Variants in CUBN observed in about 807,000 individuals in gnomAD.
CUBN encodes cubilin.
CUBN carries 282 observed loss-of-function variants against 405.3 expected under a neutral mutation model. The observed-to-expected ratio is 0.70, with a 90% CI of 0.63 to 0.77. The LOEUF (loss-of-function observed/expected upper bound fraction) is 0.77, where lower values mean the gene tolerates loss of function less well. Among genes scored for constraint, CUBN ranks in the 30% least tolerant of loss-of-function variants. The pLI, the probability that CUBN is intolerant of heterozygous loss-of-function variation, is 0.00. For missense variants in CUBN, 4,514 were observed against 4,475.2 expected, an observed-to-expected ratio of 1.01 and a Z score of -0.25; for synonymous variants, 1,684 against 1,617.0, an observed-to-expected ratio of 1.04 and a Z score of -0.99.
intron 28 of CUBN, among the ~76,000 whole-genome samples, chr10:17,017,010 A>G (rs1834344902): frequency 6.6e-6 from 1 of 152,180 alleles, no homozygotes; most frequent in Non-Finnish European, 1.5e-5. Flanking sequence ...TATTGGGGCC[A>G]GGCCATAGTG....
intron 7 of CUBN, 105 bp from the exon 8 acceptor site, chr10:17,114,294 T>C: frequency 8.7e-7 from 1 of 1,152,720 alleles, no homozygotes; most frequent in South Asian, 1.3e-5. Context: ...TAACGTTCAT[T>C]TCCATAAGGC....
chr10:16,993,383 C>T (rs1833647339), intron 28 of CUBN, among the ~76,000 whole-genome samples: 1 of 151,966 alleles, frequency 6.6e-6, no homozygotes, highest in Non-Finnish European at 1.5e-5. Context: ...TTGTCTTTTC[C>T]AATTGTTTTA....
At chr10:17,070,316 T>C (rs1461494983) in intron 19 of CUBN, among the ~76,000 whole-genome samples, 1 of 152,212 alleles carries the variant, frequency 6.6e-6, no homozygotes, top group Non-Finnish European at 1.5e-5. Flanking sequence ...CCTTCAACTT[T>C]GTAATTTTTC....
intron 22 of CUBN, 21 bp from the exon 23 acceptor site, chr10:17,047,624 TAA>T (rs779910506): frequency 1.2e-6 from 2 of 1,604,180 alleles, no homozygotes; most frequent in Non-Finnish European, 1.7e-6. Flanking sequence ...AAACAGACCA[TAA>T]GAGAGAAAAT....
chr10:16,988,265 T>TAAGGG (rs1833485854), intron 29 of CUBN, among the ~76,000 whole-genome samples: 1 of 152,246 alleles, frequency 6.6e-6, no homozygotes, highest in African/African-American at 2.4e-5. Context: ...TCCAGCCCTT[T>TAAGGG]GTAAGTGATA....
chr10:17,113,943 T>A, intron 8 of CUBN, 84 bp downstream of exon 8: 3 of 1,331,976 alleles, frequency 2.3e-6, no homozygotes, highest in Middle Eastern at 2.2e-4. Context: ...ATTGTCTTCT[T>A]ACTCATCAAT....
At chr10:17,062,480 C>T (rs1020513736) in intron 22 of CUBN, among the ~76,000 whole-genome samples, 2 of 152,098 alleles carry the variant, frequency 1.3e-5, no homozygotes, top group Admixed American at 6.6e-5. Flanking sequence ...AAATCTAATA[C>T]GTTAAATTAA....
chr10:16,955,045 G>C (rs915054405), intron 31 of CUBN, among the ~76,000 whole-genome samples: 1 of 152,108 alleles, frequency 6.6e-6, no homozygotes, highest in Non-Finnish European at 1.5e-5. Context: ...CAAACGATAG[G>C]GGTGATATAA....
intron 63 of CUBN, among the ~76,000 whole-genome samples, chr10:16,835,827 A>C (rs867053219): frequency 6.6e-6 from 1 of 152,152 alleles, no homozygotes; most frequent in Non-Finnish European, 1.5e-5. Flanking sequence ...AAAACCTCTG[A>C]AATATAAACT....
chr10:17,007,959 A>G (rs1444157545), intron 28 of CUBN, among the ~76,000 whole-genome samples: 1 of 152,140 alleles, frequency 6.6e-6, no homozygotes, highest in African/African-American at 2.4e-5. Context: ...GTTTGAGACC[A>G]GCCTGGAAAA....
rs199841930 is a variant in CUBN, at chr10:16,913,890, G to T, written c.7454C>A (p.Pro2485Gln). 6.2e-7 allele frequency: 1 copy of T among 1,614,084 alleles called. No homozygotes were observed. Among genetic ancestry groups the T allele is most frequent in the East Asian group, 2.2e-5 (1 of 44,876 alleles). ...GRICEWRITAPEGRRITLMFN... is the reference protein window; with the variant it reads ...GRICEWRITAQEGRRITLMFN... ...CATTAGGGTGATCCGCCTTCCCTCC[G>T]GGGCAGTGATTCTCCACTCGCAGAT... The change falls in exon 48 of 67, where the codon CCG becomes CAG. Residue 2485 changes from proline (P) to glutamine (Q), a missense_variant. Coordinates refer to ENST00000377833, the MANE Select transcript of CUBN (RefSeq NM_001081.4).
intron 26 of CUBN, among the ~76,000 whole-genome samples, chr10:17,041,488 T>C (rs940676474): frequency 2.0e-5 from 3 of 152,000 alleles, no homozygotes; most frequent in Non-Finnish European, 4.4e-5. Context: ...GTCATGAAAA[T>C]TAAATAGTCA....
At chr10:17,120,816 G>A (rs781213751) in intron 6 of CUBN, among the ~76,000 whole-genome samples, 2 of 152,120 alleles carry the variant, frequency 1.3e-5, no homozygotes, top group East Asian at 1.9e-4. Flanking sequence ...CATACTTGTC[G>A]CTCTATTGGC....
chr10:17,117,384 GT>G (rs758032381), intron 6 of CUBN, among the ~76,000 whole-genome samples: 1 of 151,408 alleles, frequency 6.6e-6, no homozygotes, highest in Non-Finnish European at 1.5e-5. Context: ...TTTTGTTTTT[GT>G]TTTTTTTGAG....
In CUBN at chr10:16,913,922, A is replaced by G. The variant is rs1449762694; in HGVS notation, c.7422T>C (p.His2474=). ...TSPNYPNPNP[H]GRICEWRITA... ...TGATTCTCCACTCGCAGATCCGGCCATGAGGATTTGGGTTCGGGTAGTTGG... is the reference window on the plus strand; with the variant it reads ...TGATTCTCCACTCGCAGATCCGGCCGTGAGGATTTGGGTTCGGGTAGTTGG... The change falls in exon 48 of 67, where the codon CAT becomes CAC. Residue 2474 remains histidine (H), a synonymous_variant. Transcript: ENST00000377833. The G allele has an allele frequency of 3.7e-6, 6 of 1,614,132 alleles. No homozygotes were observed. The South Asian group carries it at 4.4e-5, about 12-fold the overall frequency.
intron 28 of CUBN, among the ~76,000 whole-genome samples, chr10:17,004,672 CTCTT>C (rs1463959869): frequency 1.1e-5 from 1 of 93,386 alleles, no homozygotes; most frequent in Non-Finnish European, 2.3e-5. Context: ...TTCTAAATAG[CTCTT>C]TTTTTTTTTT....
intron 56 of CUBN, among the ~76,000 whole-genome samples, chr10:16,877,422 C>T (rs1007361534): frequency 6.6e-6 from 1 of 152,092 alleles, no homozygotes; most frequent in Admixed American, 6.6e-5. Context: ...ACACCTGGCA[C>T]TATCTGAAGG....
chr10:16,957,845 A>C (rs1308806474), intron 31 of CUBN, among the ~76,000 whole-genome samples: 1 of 151,786 alleles, frequency 6.6e-6, no homozygotes, highest in African/African-American at 2.4e-5. Flanking sequence ...AGCATTTCTT[A>C]ATTTTTTAAA....
intron 10 of CUBN, among the ~76,000 whole-genome samples, chr10:17,108,336 T>G (rs2131305608): frequency 6.6e-6 from 1 of 152,180 alleles, no homozygotes; most frequent in South Asian, 2.1e-4. Flanking sequence ...TCCTAACCAC[T>G]TTGGTATGTT....
Sources: allele counts gnomAD v4.1 joint callset (sites outside exome capture counted in the v4.1 genomes callset), GRCh38; gene constraint gnomAD v4.1.1; transcripts MANE v1.5; gene names NCBI Gene and HGNC (gene_info 2026-07-23, HGNC 2026-07-21).